KMT2C: variants seen among roughly 807,000 people sequenced by gnomAD.
KMT2C encodes lysine methyltransferase 2C.
A neutral mutation model predicts 507.9 loss-of-function variants in KMT2C; 88 were observed. That is an observed-to-expected ratio of 0.17 (90% CI 0.15 to 0.21). The LOEUF (loss-of-function observed/expected upper bound fraction) is 0.21. Among genes scored for constraint, KMT2C ranks in the 10% least tolerant of loss-of-function variants. KMT2C has a pLI of 1.00. For missense variants in KMT2C, 4,954 were observed against 5,957.8 expected (o/e 0.83, Z 5.55); for synonymous variants, 2,049 against 2,080.8 (o/e 0.98, Z 0.42).
chr7:152,171,227 C>T (rs769514983), intron 40 of KMT2C, 37 bp downstream of exon 40: 14 of 1,381,618 alleles, frequency 1.0e-5, no homozygotes, highest in East Asian at 7.1e-5. Flanking sequence ...AACAGAAAAG[C>T]GTGCATTCTA....
At chr7:152,339,971 C>T (rs1039409574) in intron 2 of KMT2C, among the ~76,000 whole-genome samples, 1 of 151,816 alleles carries the variant, frequency 6.6e-6, no homozygotes, top group Admixed American at 6.6e-5. Flanking sequence ...ATGCCTTCTC[C>T]CTCTATGCTT....
chr7:152,379,021 C>T (rs1242259233), intron 1 of KMT2C, among the ~76,000 whole-genome samples: 3 of 152,160 alleles, frequency 2.0e-5, no homozygotes, highest in Non-Finnish European at 4.4e-5. Flanking sequence ...TGTTAGCCCT[C>T]TCTCCTTCAA....
intron 16 of KMT2C, among the ~76,000 whole-genome samples, chr7:152,231,531 A>G (rs1313651957): frequency 6.6e-6 from 1 of 152,288 alleles, no homozygotes; most frequent in Admixed American, 6.5e-5. Context: ...CTATAATCTT[A>G]GCACTTTGGG....
chr7:152,191,984 C>G (rs973591536), intron 31 of KMT2C, among the ~76,000 whole-genome samples: 3 of 151,382 alleles, frequency 2.0e-5, no homozygotes, highest in African/African-American at 7.3e-5. Context: ...TTACAAACTC[C>G]TAAGGGTAGG....
At chr7:152,325,466 G>GT (rs1407175170) in intron 3 of KMT2C, among the ~76,000 whole-genome samples, 1,524 of 136,336 alleles carry the variant, frequency 0.011, 27 homozygotes, top group African/African-American at 0.033. Context: ...TTTTATGTGT[G>GT]TTTTTTTTTT....
chr7:152,177,827 T>G lies in KMT2C; in HGVS notation c.7626A>C (p.Ser2542=), dbSNP rs374193832. 6.2e-7 allele frequency: 1 copy of G among 1,613,780 alleles called. No individual in the cohort carries two copies. Among genetic ancestry groups the G allele is most frequent in the Non-Finnish European group, 8.5e-7 (1 of 1,179,924 alleles). ...NNPVGLPQHF[S]PQSLPVQQHN... is the part of the protein sequence containing the mutation. ...GCTGCTGAACTGGCAAGCTCTGTGG[T>G]GAAAAATGCTGAGGAAGTCCAACTG... is the stretch of plus-strand genomic sequence containing the variant. Residue 2542 remains serine (S), a synonymous_variant, in exon 38 of 59, where the codon TCA becomes TCC. Transcript: ENST00000262189.
rs565331459 is a variant in KMT2C, at chr7:152,235,737, A to T, written c.2769+80T>A. ...TTTTGACCTATTTATATGACTCTTAAGATCAAAATAACTTGCTATGAGATT... is the reference window on the plus strand; with the variant it reads ...TTTTGACCTATTTATATGACTCTTATGATCAAAATAACTTGCTATGAGATT... On this transcript the variant is annotated intron_variant, in intron 16 of 58. Coordinates refer to ENST00000262189, the MANE Select transcript of KMT2C (RefSeq NM_170606.3). 3 of 1,087,010 alleles carry T rather than the reference A, an allele frequency of 2.8e-6. No homozygotes were observed. In the South Asian group the frequency reaches 3.9e-5, roughly 14 times the overall value. The allele number at this position is 1,087,010 out of a possible 1,614,324, so 67.3% of individuals were successfully genotyped here.
chr7:152,174,216 T>C lies in KMT2C; in HGVS notation c.9289A>G (p.Met3097Val). ...TTAAGGGCCACCATTTTGGCTTTCATTATAGGATCTGTAATTGCATCAAAA... is the reference window on the plus strand; with the variant it reads ...TTAAGGGCCACCATTTTGGCTTTCACTATAGGATCTGTAATTGCATCAAAA... Reference protein sequence around the residue: ...IDFDAITDPIMKAKMVALKGI... With the variant: ...IDFDAITDPIVKAKMVALKGI... The change falls in exon 39 of 59, where the codon ATG becomes GTG. Residue 3097 changes from methionine to valine, a missense_variant. Met to Val is a conservative substitution (Grantham distance 21). This residue lies in a region of KMT2C where 1,689 missense variants were observed against 1,654.3 expected (regional missense o/e 1.02). Transcript: ENST00000262189. 2 of 1,598,528 alleles carry C rather than the reference T, an allele frequency of 1.3e-6. No homozygotes were observed. The highest frequency in any genetic ancestry group is 1.7e-6 in the Non-Finnish European group (2 of 1,168,618).
In KMT2C at chr7:152,158,936, T is replaced by C. The variant is rs1257495713; in HGVS notation, c.11597A>G (p.Lys3866Arg). Reference sequence around the variant, plus strand: ...CTCCTCTTCGTCCTTTTTCCTTTTCTTTGAGCGAGGTGCTGCTTTCTCACC... The same window carrying C: ...CTCCTCTTCGTCCTTTTTCCTTTTCCTTGAGCGAGGTGCTGCTTTCTCACC... ...RTGEKAAPRS[K>R]KRKKDEEEKQ... The change falls in exon 44 of 59, where the codon AAG becomes AGG. Residue 3866 changes from lysine to arginine, a missense_variant. Lys to Arg is a conservative substitution (Grantham distance 26). This residue lies in a region of KMT2C where 801 missense variants were observed against 751.2 expected (regional missense o/e 1.07). Coordinates refer to ENST00000262189, the MANE Select transcript of KMT2C (RefSeq NM_170606.3). 2 of 1,614,224 alleles carry C rather than the reference T, an allele frequency of 1.2e-6. No individual in the cohort carries two copies. The highest frequency in any genetic ancestry group is 1.3e-5 in the African/African-American group (1 of 75,062).
chr7:152,343,618 C>A (rs1425129458), intron 2 of KMT2C, among the ~76,000 whole-genome samples: 2 of 151,896 alleles, frequency 1.3e-5, no homozygotes, highest in South Asian at 2.1e-4. Context: ...AATGCCCAAA[C>A]AAACTACACC....
intron 6 of KMT2C, among the ~76,000 whole-genome samples, chr7:152,301,040 G>A (rs537252770): frequency 1.9e-3 from 282 of 151,750 alleles, no homozygotes; most frequent in African/African-American, 6.5e-3. Context: ...CCTGGTGACA[G>A]AGGGAAACTT....
At chr7:152,397,809 C>T (rs1163018223) in intron 1 of KMT2C, among the ~76,000 whole-genome samples, 14 of 152,170 alleles carry the variant, frequency 9.2e-5, no homozygotes. Flanking sequence ...CTCACTCTCT[C>T]TTGCCTGCCA....
In KMT2C at chr7:152,181,312, G is replaced by A; in HGVS notation, c.6548C>T (p.Pro2183Leu). 1 of 1,612,128 alleles carries A rather than the reference G, an allele frequency of 6.2e-7. No individual in the cohort carries two copies. The highest frequency in any genetic ancestry group is 8.5e-7 in the Non-Finnish European group (1 of 1,179,368). ...AACAAACAAGTCAGTTTGTGTAGAT[G>A]GTCTTGGGGTTTGGGGCTGCTGACT... ...PYSQQPQTPR[P>L]STQTDLFVTP... Residue 2183 changes from proline (P) to leucine (L), a missense_variant, in exon 36 of 59, where the codon CCA becomes CTA. By Grantham distance (98) the Pro-to-Leu change is moderately conservative. This residue lies in a region of KMT2C where 1,689 missense variants were observed against 1,654.3 expected (regional missense o/e 1.02). Transcript: ENST00000262189.
At chr7:152,240,620 A>G (rs2095365568) in intron 14 of KMT2C, among the ~76,000 whole-genome samples, 1 of 152,284 alleles carries the variant, frequency 6.6e-6, no homozygotes, top group Non-Finnish European at 1.5e-5. Flanking sequence ...TAAGTTTGCC[A>G]TGTTTAAAAT....
Position 152,310,062 on chromosome 7 carries a change from A to G in KMT2C, c.753T>C (p.Ala251=). The G allele has an allele frequency of 6.2e-7, 1 of 1,610,130 alleles. No homozygotes were observed. Residue 251 remains alanine (A), a synonymous_variant, in exon 6 of 59, where the codon GCT becomes GCC. Coordinates refer to ENST00000262189, the MANE Select transcript of KMT2C (RefSeq NM_170606.3). ...ALFDSTGTCW[A]HHRCVEWSLG... is the part of the protein sequence containing the mutation. ...GTGACCACTCCACACAACGGTGATG[A>G]GCCCAACAAGTGCCTAAAATGGGAA...
chr7:152,248,762 G>A (rs2095516878), intron 13 of KMT2C, 142 bp from the exon 14 acceptor site: 1 of 588,960 alleles, frequency 1.7e-6, no homozygotes, highest in Non-Finnish European at 3.0e-6. Flanking sequence ...GTGAATGAAA[G>A]CCAAAGTACA....
chr7:152,356,679 A>C (rs2097154321), intron 2 of KMT2C, among the ~76,000 whole-genome samples: 1 of 151,884 alleles, frequency 6.6e-6, no homozygotes, highest in Admixed American at 6.6e-5. Context: ...TCACGAGGTC[A>C]GGAGTTCAAG....
At chr7:152,432,665 A>G (rs1481272399) in intron 1 of KMT2C, among the ~76,000 whole-genome samples, 1 of 152,206 alleles carries the variant, frequency 6.6e-6, no homozygotes, top group Non-Finnish European at 1.5e-5. Flanking sequence ...GTTAATGTAA[A>G]AGCAGTAACT....
intron 43 of KMT2C, among the ~76,000 whole-genome samples, chr7:152,161,424 T>TA (rs925941967): frequency 2.0e-5 from 3 of 152,174 alleles, no homozygotes; most frequent in African/African-American, 7.2e-5. Flanking sequence ...TTCTGAAAGA[T>TA]AAACAGGCAA....
Sources: allele counts gnomAD v4.1 joint callset (sites outside exome capture counted in the v4.1 genomes callset), GRCh38; gene constraint gnomAD v4.1.1; regional missense constraint gnomAD v4.1.1; transcripts MANE v1.5; gene names NCBI Gene and HGNC (gene_info 2026-07-23, HGNC 2026-07-21).